Variants in ALG10B observed in about 807,000 individuals in gnomAD.
ALG10B encodes dol-P-Glc:Glc(2)Man(9)GlcNAc(2)-PP-Dol alpha-1,2-glucosyltransferase B.
Under a neutral mutation model 38.7 loss-of-function variants are expected in ALG10B, and 27 were observed. The observed-to-expected ratio is 0.70, with a 90% CI of 0.51 to 0.96. The LOEUF is 0.96. Among genes scored for constraint, ALG10B ranks in the 40% least tolerant of loss-of-function variants. The probability of loss-of-function intolerance (pLI) is 0.00; values close to 1 mark genes in which losing one functional copy is unlikely to be tolerated. For missense variants in ALG10B, 522 were observed against 542.7 expected, an observed-to-expected ratio of 0.96 and a Z score of 0.38; for synonymous variants, 177 against 193.3, an observed-to-expected ratio of 0.92 and a Z score of 0.70.
rs1377875863 is a variant in ALG10B at position 38,328,418 on chromosome 12, T to C, written c.*7205T>C. The C allele has an allele frequency of 6.6e-6, 1 of 152,156 alleles. No homozygotes were observed. The highest frequency in any genetic ancestry group is 2.4e-5 in the African/African-American group (1 of 41,452). The allele number at this position is 152,156 out of a possible 1,614,324, so 9.4% of individuals were successfully genotyped here. ...TTATTTTCTATTTTTTATCCCTCTA[T>C]ATTCGTGAAATTACTTCTATTTGAA... On this transcript the variant is annotated 3_prime_UTR_variant, in exon 3 of 3. Coordinates refer to ENST00000308742, the MANE Select transcript of ALG10B (RefSeq NM_001013620.4).
rs1256039682 is a variant in ALG10B at position 38,326,495 on chromosome 12, TTA to T, written c.*5283_*5284del. ...CTTATTAAAGAAACTTTATACCCTA[TTA>T]AGGGTATAATTTCAAAATAATTGCT... On this transcript the variant is annotated 3_prime_UTR_variant, in exon 3 of 3. Transcript: ENST00000308742. 8 of 24,554 alleles carry T rather than the reference TTA, an allele frequency of 3.3e-4. No individual in the cohort carries two copies. The highest frequency in any genetic ancestry group is 2.4e-3 in the African/African-American group (8 of 3,322). 1.5% of individuals were successfully genotyped at this position (24,554 alleles called of 1,614,324 possible). A position where few individuals can be genotyped will look rare whatever the true frequency, so the allele number is the denominator to read the frequency against.
rs1390985697 is a variant in ALG10B, at chr12:38,324,417, T to G, written c.*3204T>G. 1 of 153,056 alleles carries G rather than the reference T, an allele frequency of 6.5e-6. No homozygotes were observed. Among genetic ancestry groups the G allele is most frequent in the African/African-American group, 2.4e-5 (1 of 41,480 alleles). The allele number at this position is 153,056 out of a possible 1,614,324, so 9.5% of individuals were successfully genotyped here. ...CTACATTCAGAGAGAAACAGGTTAA[T>G]CTTCCACATTTTTTATAAAATACAT... On this transcript the variant is annotated 3_prime_UTR_variant, in exon 3 of 3. Transcript: ENST00000308742.
At chr12:38,316,704 T>A, upstream of ALG10B, 2 of 880,554 alleles carry the variant, frequency 2.3e-6, no homozygotes, top group Non-Finnish European at 3.7e-6. Context: ...TCTAAACCCG[T>A]CACTCCAGGA....
rs1211761211 is a variant in ALG10B, at chr12:38,318,292, T to G, written c.203T>G (p.Leu68Trp). The change falls in exon 2 of 3, where the codon TTG (leucine) becomes TGG (tryptophan). Residue 68 changes from leucine (L) to tryptophan (W), a missense_variant. Physicochemically the swap from Leu to Trp is moderately conservative, Grantham distance 61. Coordinates refer to ENST00000308742, the MANE Select transcript of ALG10B (RefSeq NM_001013620.4). ...WDPMITTLPG[L>W]YLVSVGVVKP... ...CCCATGATTACTACATTACCTGGCTTGTACCTGGTGTCAGTTGGAGTGGTC... is the reference window on the plus strand; with the variant it reads ...CCCATGATTACTACATTACCTGGCTGGTACCTGGTGTCAGTTGGAGTGGTC... The G allele has an allele frequency of 6.2e-7, 1 of 1,614,048 alleles. No individual in the cohort carries two copies. The highest frequency in any genetic ancestry group is 2.2e-5 in the East Asian group (1 of 44,880).
chr12:38,329,232 T>C lies in ALG10B; in HGVS notation c.*8019T>C. 2.5e-6 allele frequency: 1 copy of C among 398,500 alleles called. No homozygotes were observed. Among genetic ancestry groups the C allele is most frequent in the Non-Finnish European group, 4.4e-6 (1 of 226,000 alleles). 24.7% of individuals were successfully genotyped at this position (398,500 alleles called of 1,614,324 possible). A position where few individuals can be genotyped will look rare whatever the true frequency, so the allele number is the denominator to read the frequency against. ...CATCTACCATTGTGTCTTTTGTTTC[T>C]GTTTTTGTCATGATACCTCAAATTG... On this transcript the variant is annotated 3_prime_UTR_variant, in exon 3 of 3. Coordinates refer to ENST00000308742, the MANE Select transcript of ALG10B (RefSeq NM_001013620.4).
intron 1 of ALG10B, chr12:38,317,345 C>A (rs1237014361): frequency 3.9e-6 from 2 of 515,654 alleles, no homozygotes; most frequent in Non-Finnish European, 6.8e-6. Context: ...AATATCGATC[C>A]CACTTTGTTT....
Position 38,326,543 on chromosome 12 carries a change from TATTCTTATTTCTATTTAAAATAAG to T in ALG10B, c.*5332_*5355del, listed in dbSNP as rs1945746496. ...TTGCTTTTTATTTAAAATAAGAAAA[TATTCTTATTTCTATTTAAAATAAG>T]AAAAATCAGTAACCTTCAACGAATA... On this transcript the variant is annotated 3_prime_UTR_variant, in exon 3 of 3. Coordinates refer to ENST00000308742, the MANE Select transcript of ALG10B (RefSeq NM_001013620.4). The T allele has an allele frequency of 8.1e-5, 2 of 24,832 alleles. No individual in the cohort carries two copies. The highest frequency in any genetic ancestry group is 1.3e-4 in the Non-Finnish European group (2 of 15,380). The allele number at this position is 24,832 out of a possible 1,614,324, so 1.5% of individuals were successfully genotyped here.
In ALG10B at chr12:38,325,899, A is replaced by G. The variant is rs1390974682; in HGVS notation, c.*4686A>G. 5 of 152,184 alleles carry G rather than the reference A, an allele frequency of 3.3e-5. No homozygotes were observed. Among genetic ancestry groups the G allele is most frequent in the African/African-American group, 9.6e-5 (4 of 41,456 alleles). 9.4% of individuals were successfully genotyped at this position (152,184 alleles called of 1,614,324 possible). On this transcript the variant is annotated 3_prime_UTR_variant, in exon 3 of 3. Coordinates refer to ENST00000308742, the MANE Select transcript of ALG10B (RefSeq NM_001013620.4). ...GTCATATGATAAATATTGAGTAAAT[A>G]TATACTGAATGAAGTTTTTAGTATA...
At chr12:38,317,164 C>G in intron 1 of ALG10B, 100 bp downstream of exon 1, 3 of 1,532,820 alleles carry the variant, frequency 2.0e-6, no homozygotes, top group Non-Finnish European at 2.7e-6. Flanking sequence ...CCCTTTCCAC[C>G]CCACCCCAGC....
In ALG10B at chr12:38,320,944, G is replaced by A. The variant is rs753902115; in HGVS notation, c.1153G>A (p.Ala385Thr). 106 of 1,613,602 alleles carry A rather than the reference G, an allele frequency of 6.6e-5. No homozygotes were observed. Among genetic ancestry groups the A allele is most frequent in the Non-Finnish European group, 8.8e-5 (104 of 1,179,830 alleles). ...CTATATATTTGCTGGTTGGAGTATA[G>A]CTGACTCATTGAAATCAAAGCCAAT... The part of the protein sequence containing the change: ...PAYIFAGWSI[A>T]DSLKSKPIFW... Residue 385 changes from alanine (A) to threonine (T), a missense_variant, in exon 3 of 3, where the codon GCT (alanine) becomes ACT (threonine). Ala to Thr is a moderately conservative substitution (Grantham distance 58). Coordinates refer to ENST00000308742, the MANE Select transcript of ALG10B (RefSeq NM_001013620.4).
At chr12:38,316,771 T>C (rs12304754), upstream of ALG10B, 22 of 1,522,982 alleles carry the variant, frequency 1.4e-5, no homozygotes, top group Non-Finnish European at 1.7e-5. Context: ...TGCCTTCCGG[T>C]ATGTGGCCCC....
rs540925724 is a variant in ALG10B, at chr12:38,321,086, C to T, written c.1295C>T (p.Pro432Leu). 41 of 1,613,682 alleles carry T rather than the reference C, an allele frequency of 2.5e-5. No homozygotes were observed. The highest frequency in any genetic ancestry group is 3.3e-5 in the Non-Finnish European group (39 of 1,179,818). The change falls in exon 3 of 3, where the codon CCT becomes CTT. Residue 432 changes from proline (P) to leucine (L), a missense_variant. Pro to Leu is a moderately conservative substitution (Grantham distance 98, BLOSUM62 -3). Coordinates refer to ENST00000308742, the MANE Select transcript of ALG10B (RefSeq NM_001013620.4). ...ATTTATAGGCTTAACATAACTCTGC[C>T]TCCCACATCCAGACTTGTTTGTGAA... is the stretch of plus-strand genomic sequence containing the variant. ...YVIYRLNITL[P>L]PTSRLVCELS...
intron 1 of ALG10B, chr12:38,317,984 C>G (rs1281890531): frequency 2.2e-6 from 1 of 445,028 alleles, no homozygotes; most frequent in Non-Finnish European, 4.1e-6. Context: ...GTTTATTTAT[C>G]AAAATAAAGG....
At position 38,326,437 on chromosome 12, in the gene ALG10B, A is replaced by G. The variant is rs888955136; in HGVS notation, c.*5224A>G. On this transcript the variant is annotated 3_prime_UTR_variant, in exon 3 of 3. Coordinates refer to ENST00000308742, the MANE Select transcript of ALG10B (RefSeq NM_001013620.4). Reference sequence around the variant, plus strand: ...TAAGAAAAACAAATAACTTTCAACCATTAAAAGGTTATAACACTTTAAAGG... The same window carrying G: ...TAAGAAAAACAAATAACTTTCAACCGTTAAAAGGTTATAACACTTTAAAGG... 4 of 150,924 alleles carry G rather than the reference A, an allele frequency of 2.7e-5. No homozygotes were observed. Among genetic ancestry groups the G allele is most frequent in the African/African-American group, 9.7e-5 (4 of 41,080 alleles). The allele number at this position is 150,924 out of a possible 1,614,324, so 9.3% of individuals were successfully genotyped here.
chr12:38,328,905 A>T lies in ALG10B; in HGVS notation c.*7692A>T. On this transcript the variant is annotated 3_prime_UTR_variant, in exon 3 of 3. Transcript: ENST00000308742. ...AAAGTGATTTACCCATGTTAGTCTCATAACAACTCTATGAGATCAGTACCG... is the reference window on the plus strand; with the variant it reads ...AAAGTGATTTACCCATGTTAGTCTCTTAACAACTCTATGAGATCAGTACCG... 3.4e-6 allele frequency: 1 copy of T among 291,068 alleles called. No individual in the cohort carries two copies. The highest frequency in any genetic ancestry group is 5.4e-5 in the East Asian group (1 of 18,370). The allele number at this position is 291,068 out of a possible 1,614,324, so 18.0% of individuals were successfully genotyped here. A position where few individuals can be genotyped will look rare whatever the true frequency, so the allele number is the denominator to read the frequency against.
At position 38,320,185 on chromosome 12, in the gene ALG10B, T is replaced by A; in HGVS notation, c.394T>A (p.Leu132Met). 1 of 1,614,090 alleles carries A rather than the reference T, an allele frequency of 6.2e-7. No individual in the cohort carries two copies. Among genetic ancestry groups the A allele is most frequent in the Non-Finnish European group, 8.5e-7 (1 of 1,179,932 alleles). ...GGCTGCCTCAAGTATCCAGAGAGTC[T>A]TGTCAACATTAACACTAGCAGTATT... The part of the protein sequence containing the change: ...NKAASSIQRV[L>M]STLTLAVFPT... Residue 132 changes from leucine to methionine, a missense_variant, in exon 3 of 3, where the codon TTG becomes ATG. Physicochemically the swap from Leu to Met is conservative, Grantham distance 15. Transcript: ENST00000308742.
rs1215419879 is a variant in ALG10B at position 38,325,339 on chromosome 12, G to A, written c.*4126G>A. The A allele has an allele frequency of 3.9e-5, 6 of 152,110 alleles. No homozygotes were observed. The highest frequency in any genetic ancestry group is 1.9e-4 in the East Asian group (1 of 5,208). 9.4% of individuals were successfully genotyped at this position (152,110 alleles called of 1,614,324 possible). On this transcript the variant is annotated 3_prime_UTR_variant, in exon 3 of 3. Coordinates refer to ENST00000308742, the MANE Select transcript of ALG10B (RefSeq NM_001013620.4). ...AATGTAATTTATTTCTAATAAATAC[G>A]TAGCTTAATGAAATGTATTTCTAGT... is the stretch of plus-strand genomic sequence containing the variant.
Position 38,329,087 on chromosome 12 carries a change from A to G in ALG10B, c.*7874A>G, listed in dbSNP as rs1945771401. 1 of 397,268 alleles carries G rather than the reference A, an allele frequency of 2.5e-6. No homozygotes were observed. Among genetic ancestry groups the G allele is most frequent in the Non-Finnish European group, 4.4e-6 (1 of 225,334 alleles). The allele number at this position is 397,268 out of a possible 1,614,324, so 24.6% of individuals were successfully genotyped here. A position where few individuals can be genotyped will look rare whatever the true frequency, so the allele number is the denominator to read the frequency against. On this transcript the variant is annotated 3_prime_UTR_variant, in exon 3 of 3. Transcript: ENST00000308742. ...GAGAAAGGCATGAAGTCTACCTTCA[A>G]ATTCATGGCATTTTAGAAGGAAAAA...
At position 38,320,767 on chromosome 12, in the gene ALG10B, T is replaced by G. The variant is rs1945696263; in HGVS notation, c.976T>G (p.Phe326Val). The change falls in exon 3 of 3, where the codon TTT becomes GTT. Residue 326 changes from phenylalanine to valine, a missense_variant. Phe to Val is a conservative substitution (Grantham distance 50). Transcript: ENST00000308742. ...CTTAGTTTGGAAACATGGAATTCTG[T>G]TTTTGGTGGTTACCTTAGTCTCTGT... ...LSLVWKHGIL[F>V]LVVTLVSVFL... 4.3e-6 allele frequency: 7 copies of G among 1,614,056 alleles called. No individual in the cohort carries two copies. The highest frequency in any genetic ancestry group is 5.1e-6 in the Non-Finnish European group (6 of 1,179,946).
Sources: allele counts gnomAD v4.1 joint callset, GRCh38; gene constraint gnomAD v4.1.1; transcripts MANE v1.5; gene names NCBI Gene and HGNC (gene_info 2026-07-23, HGNC 2026-07-21).